The following JAKMIP3 variants were observed in gnomAD, a reference collection of about 807,000 sequenced individuals.
JAKMIP3 encodes janus kinase and microtubule-interacting protein 3.
JAKMIP3 carries 58 observed loss-of-function variants against 118.5 expected under a neutral mutation model. The ratio of observed to expected loss-of-function variants is 0.49; its 90% CI spans 0.40 to 0.61. JAKMIP3 has a LOEUF of 0.61. Ranked by LOEUF, JAKMIP3 falls within the 20% of genes least tolerant of loss-of-function variation. The pLI is 0.00. For missense variants in JAKMIP3, 950 were observed against 1,109.0 expected (o/e 0.86, Z 2.04); for synonymous variants, 486 against 451.2 (o/e 1.08, Z -0.98).
intron 23 of JAKMIP3, among the ~76,000 whole-genome samples, chr10:132,170,707 G>A (rs572748783): frequency 2.6e-5 from 4 of 152,314 alleles, no homozygotes; most frequent in South Asian, 2.1e-4. Flanking sequence ...AGGGGCAGCC[G>A]GCCGCCAACG....
chr10:132,144,800 A>G, intron 11 of JAKMIP3: 1 of 279,664 alleles, frequency 3.6e-6, no homozygotes, highest in South Asian at 5.0e-5. Flanking sequence ...GTGGTGGTGC[A>G]TACCTGTGGT....
chr10:132,053,012 C>A (rs11146132), intron 1 of JAKMIP3, among the ~76,000 whole-genome samples: 5,522 of 152,254 alleles, frequency 0.036, 282 homozygotes, highest in East Asian at 0.24. Context: ...TTCTCATGTG[C>A]CTTGTTTCCT....
chr10:132,123,972 T>C lies in JAKMIP3; in HGVS notation c.633+6398T>C, dbSNP rs2049027531. Among the ~76,000 whole-genome samples, 3 of 152,280 alleles carry C rather than the reference T, an allele frequency of 2.0e-5. No homozygotes were observed. The South Asian group carries it at 6.2e-4, about 32-fold the overall frequency. ...GACGAGTTTGGGAATATTGAGAGCC[T>C]TTAGAGTCCCAGGGCGTGGCTGTGC... On this transcript the variant is annotated intron_variant, in intron 3 of 23. Transcript: ENST00000684848.
intron 1 of JAKMIP3, among the ~76,000 whole-genome samples, chr10:132,055,375 C>G (rs2038210526): frequency 6.6e-6 from 1 of 152,180 alleles, no homozygotes; most frequent in Non-Finnish European, 1.5e-5. Flanking sequence ...ACGTTGGCCA[C>G]CAGCATTGAT....
chr10:132,071,859 TTTCCTTTCTTTCTTTCC>T (rs1199317490), intron 1 of JAKMIP3, among the ~76,000 whole-genome samples: 8 of 138,362 alleles, frequency 5.8e-5, no homozygotes, highest in Non-Finnish European at 4.6e-5. Flanking sequence ...CTTTCCTTTC[TTTCCTTTCTTTCTTTCC>T]TTCCTTTCTT....
At position 132,133,384 on chromosome 10, in the gene JAKMIP3, G is replaced by A. The variant is rs1448330584; in HGVS notation, c.706G>A (p.Ala236Thr). Residue 236 changes from alanine (A) to threonine (T), a missense_variant, in exon 4 of 24, where the codon GCT becomes ACT. Transcript: ENST00000684848. ...AGAGTTAGGGGTTCAAGCCGGGCAT[G>A]CTCAGAGACTGCAGCTCCAAAAAGA... ...ERELGVQAGH[A>T]QRLQLQKEAL... 9 of 1,602,792 alleles carry A rather than the reference G, an allele frequency of 5.6e-6. No homozygotes were observed. The highest frequency in any genetic ancestry group is 3.3e-4 in the Middle Eastern group (2 of 6,062).
intron 1 of JAKMIP3, among the ~76,000 whole-genome samples, chr10:132,037,756 C>A (rs1293391143): frequency 1.3e-5 from 2 of 152,206 alleles, no homozygotes; most frequent in African/African-American, 4.8e-5. Context: ...GGGCAGGCAC[C>A]CTGCAGCCCT....
chr10:132,138,496 G>C (rs1469925531), intron 9 of JAKMIP3, among the ~76,000 whole-genome samples: 1 of 152,228 alleles, frequency 6.6e-6, no homozygotes, highest in African/African-American at 2.4e-5. Context: ...TGTGTGTGGA[G>C]AGCGTGCTGG....
chr10:132,081,655 A>G (rs1279903574), intron 1 of JAKMIP3, among the ~76,000 whole-genome samples: 2 of 152,046 alleles, frequency 1.3e-5, no homozygotes, highest in Non-Finnish European at 2.9e-5. Flanking sequence ...TGCCTCCGTT[A>G]TTCTTGTCCT....
At chr10:132,153,637 C>A (rs1446402546) in intron 17 of JAKMIP3, 122 bp from the exon 18 acceptor site, 1 of 936,052 alleles carries the variant, frequency 1.1e-6, no homozygotes. Context: ...GCTGTGCTCT[C>A]CCCTCCCTAA....
At chr10:132,045,649 C>T (rs2037885483) in intron 1 of JAKMIP3, among the ~76,000 whole-genome samples, 1 of 152,178 alleles carries the variant, frequency 6.6e-6, no homozygotes, top group South Asian at 2.1e-4. Context: ...TATACTTTAG[C>T]TGGACACAGT....
At chr10:132,062,663 A>G (rs2038435811), upstream of JAKMIP3, among the ~76,000 whole-genome samples, 1 of 152,288 alleles carries the variant, frequency 6.6e-6, no homozygotes, top group Non-Finnish European at 1.5e-5. Context: ...AAAAGCAATG[A>G]TGACGAATTC....
intron 2 of JAKMIP3, among the ~76,000 whole-genome samples, chr10:132,108,487 A>AG (rs1298927792): frequency 6.6e-6 from 1 of 151,982 alleles, no homozygotes. Context: ...GAGGGGAAAA[A>AG]GGACGGGTGG....
intron 4 of JAKMIP3, 104 bp downstream of exon 4, chr10:132,133,631 G>A (rs1353090838): frequency 3.9e-5 from 42 of 1,088,254 alleles, no homozygotes; most frequent in South Asian, 2.8e-4. Context: ...ACCAGAGCCC[G>A]AGTTGAGGCA....
At position 132,117,594 on chromosome 10, in the gene JAKMIP3, C is replaced by T. The variant is rs1458491213; in HGVS notation, c.633+20C>T. On this transcript the variant is annotated intron_variant, in intron 3 of 23. Transcript: ENST00000684848. This position sits in a 1 kb window ranked among gnomAD's most constrained non-coding sequence, Gnocchi z 8.6. Reference sequence around the variant, plus strand: ...AGGCTGGTACGTGGGCAGGCAGGGGCGGGCGTGGGCGAGGGTGCAGGGGCG... The same window carrying T: ...AGGCTGGTACGTGGGCAGGCAGGGGTGGGCGTGGGCGAGGGTGCAGGGGCG... The T allele has an allele frequency of 7.7e-6, 6 of 782,930 alleles. No homozygotes were observed. Among genetic ancestry groups the T allele is most frequent in the Admixed American group, 7.7e-5 (2 of 25,850 alleles). The allele number at this position is 782,930 out of a possible 1,614,324, so 48.5% of individuals were successfully genotyped here. A position where few individuals can be genotyped will look rare whatever the true frequency, so the allele number is the denominator to read the frequency against.
At chr10:132,124,304 C>G (rs1368101344) in intron 3 of JAKMIP3, among the ~76,000 whole-genome samples, 1 of 151,244 alleles carries the variant, frequency 6.6e-6, no homozygotes, top group African/African-American at 2.4e-5. Context: ...CCTGGCACAT[C>G]ACAGCTGAAC....
Position 132,168,476 on chromosome 10 carries a change from G to GC in JAKMIP3, c.*548dup, listed in dbSNP as rs1299021310. On this transcript the variant is annotated 3_prime_UTR_variant, in exon 23 of 24. Transcript: ENST00000684848. ...GATGGTCCTGGGAGGGCTCCCCGAC[G>GC]CCTCAGGGGCCCCTCCGATGCTGCA... is the stretch of plus-strand genomic sequence containing the variant. 1 of 1,084,810 alleles carries GC rather than the reference G, an allele frequency of 9.2e-7. No homozygotes were observed. The highest frequency in any genetic ancestry group is 1.2e-6 in the Non-Finnish European group (1 of 824,002). 67.2% of individuals were successfully genotyped at this position (1,084,810 alleles called of 1,614,324 possible).
chr10:132,141,920 G>A lies in JAKMIP3; in HGVS notation c.1474G>A (p.Gly492Ser), dbSNP rs2053589023. The stretch of plus-strand genomic sequence containing the variant: ...GTGTGTGGCATCCGTGTCTCTCCAG[G>A]GCATGGCCAAGGAGGAGACGGAGCT... ...PCTPDDDLEE[G>S]MAKEETELRF... Residue 492 changes from glycine (G) to serine (S), a missense_variant and splice_region_variant, in exon 11 of 24, where the codon GGC becomes AGC. Gly to Ser is a moderately conservative substitution (Grantham distance 56, BLOSUM62 0). Coordinates refer to ENST00000684848, the MANE Select transcript of JAKMIP3 (RefSeq NM_001323087.2). The A allele has an allele frequency of 6.3e-7, 1 of 1,593,232 alleles. No homozygotes were observed. Among genetic ancestry groups the A allele is most frequent in the Non-Finnish European group, 8.5e-7 (1 of 1,170,550 alleles).
chr10:132,172,199 G>T (rs1389268935), intron 23 of JAKMIP3, among the ~76,000 whole-genome samples: 1 of 152,150 alleles, frequency 6.6e-6, no homozygotes, highest in African/African-American at 2.4e-5. Context: ...TCCTCAGGAG[G>T]ATCTGCCTGG....
Sources: allele counts gnomAD v4.1 joint callset (sites outside exome capture counted in the v4.1 genomes callset), GRCh38; gene constraint gnomAD v4.1.1; non-coding constraint Gnocchi (gnomAD v3.1); transcripts MANE v1.5; gene names NCBI Gene and HGNC (gene_info 2026-07-23, HGNC 2026-07-21).